CTNNA3: variants seen among roughly 807,000 people sequenced by gnomAD.
The protein encoded by CTNNA3 is catenin alpha-3.
A neutral mutation model predicts 95.7 loss-of-function variants in CTNNA3; 76 were observed. That is an observed-to-expected ratio of 0.79 (90% confidence interval 0.66 to 0.96). The LOEUF (loss-of-function observed/expected upper bound fraction) is 0.96. Among genes scored for constraint, CTNNA3 ranks in the 40% least tolerant of loss-of-function variants. The probability of loss-of-function intolerance (pLI) is 0.00; values close to 1 mark genes in which losing one functional copy is unlikely to be tolerated. For synonymous variants in CTNNA3, 431 were observed against 374.4 expected (o/e 1.15, Z -1.74); for missense variants, 1,191 against 1,089.8 (o/e 1.09, Z -1.31).
At chr10:67,736,146 T>C (rs1371088913) in intron 1 of CTNNA3, among the ~76,000 whole-genome samples, 2 of 152,218 alleles carry the variant, frequency 1.3e-5, no homozygotes, top group East Asian at 3.8e-4. Flanking sequence ...TGCTATAACA[T>C]GGACAAACCT....
At chr10:66,997,973 A>G (rs1210598920) in intron 7 of CTNNA3, among the ~76,000 whole-genome samples, 1 of 152,122 alleles carries the variant, frequency 6.6e-6, no homozygotes, top group Non-Finnish European at 1.5e-5. Context: ...TTCATCATTC[A>G]TCACTTGGAT....
At chr10:67,259,931 A>G (rs950402912) in intron 5 of CTNNA3, among the ~76,000 whole-genome samples, 2 of 152,182 alleles carry the variant, frequency 1.3e-5, no homozygotes, top group African/African-American at 2.4e-5. Context: ...ATGTAGTTTC[A>G]TCATCAAAAT....
intron 10 of CTNNA3, among the ~76,000 whole-genome samples, chr10:66,569,879 G>C (rs760945026): frequency 3.3e-5 from 5 of 152,114 alleles, no homozygotes; most frequent in African/African-American, 1.2e-4. Flanking sequence ...TGATTCAAAA[G>C]GCAGAGCCAT....
Position 66,401,329 on chromosome 10 carries a change from C to T in CTNNA3, c.1532-21977G>A, listed in dbSNP as rs76136728. Among the ~76,000 whole-genome samples the T allele has an allele frequency of 2.7e-3, 418 of 152,050 alleles. 3 individuals are homozygous for T. Among genetic ancestry groups the T allele is most frequent in the African/African-American group, 9.3e-3 (386 of 41,476 alleles). On this transcript the variant is annotated intron_variant, in intron 11 of 17. Transcript: ENST00000433211. ...TTGTTTGAGGTCAGGAGTTTAAGAC[C>T]GGCCTGGCCAACGTGGAAAAACCTT...
chr10:67,432,970 A>T (rs1258246401), intron 5 of CTNNA3, among the ~76,000 whole-genome samples: 1 of 151,904 alleles, frequency 6.6e-6, no homozygotes, highest in African/African-American at 2.4e-5. Flanking sequence ...TTATTTTTTA[A>T]ATATTTGATA....
At chr10:66,998,696 G>C (rs1015496763) in intron 7 of CTNNA3, among the ~76,000 whole-genome samples, 1 of 152,080 alleles carries the variant, frequency 6.6e-6, no homozygotes, top group Non-Finnish European at 1.5e-5. Context: ...AAATAACATT[G>C]TCCAGAATAT....
At position 66,714,555 on chromosome 10, in the gene CTNNA3, C is replaced by A. The variant is rs376111557; in HGVS notation, c.1281+51709G>T. 2.4e-4 allele frequency among the ~76,000 whole-genome samples: 36 copies of A among 152,142 alleles called. No homozygotes were observed. In the East Asian group the frequency reaches 2.7e-3, roughly 11 times the overall value. On this transcript the variant is annotated intron_variant, in intron 9 of 17. Transcript: ENST00000433211. ...TTGCAGTAATCCCCTATCTTGTCTA[C>A]TTTCTGTAGATTCATCTTTCTAAAC...
In CTNNA3 at chr10:67,740,725, T is replaced by C. The variant is rs1436103618; in HGVS notation, c.-2+22709A>G. On this transcript the variant is annotated intron_variant, in intron 1 of 17. Coordinates refer to the CTNNA3 transcript ENST00000684154. ...CACTGTTGGTGGGACTGTAAACTAGTTCAACCATTGTGGAAGACAGTGTGG... is the reference window on the plus strand; with the variant it reads ...CACTGTTGGTGGGACTGTAAACTAGCTCAACCATTGTGGAAGACAGTGTGG... Among the ~76,000 whole-genome samples, 5 of 151,338 alleles carry C rather than the reference T, an allele frequency of 3.3e-5. 1 individual carries two copies. Among genetic ancestry groups the C allele is most frequent in the Non-Finnish European group, 7.4e-5 (5 of 67,716 alleles).
intron 7 of CTNNA3, among the ~76,000 whole-genome samples, chr10:66,862,200 C>T (rs549099508): frequency 3.3e-5 from 5 of 152,038 alleles, no homozygotes; most frequent in Admixed American, 6.6e-5. Flanking sequence ...GGCAACAGAG[C>T]GAGACACTGT....
At chr10:66,728,429 G>A (rs1299952847) in intron 9 of CTNNA3, among the ~76,000 whole-genome samples, 1 of 152,016 alleles carries the variant, frequency 6.6e-6, no homozygotes, top group Non-Finnish European at 1.5e-5. Flanking sequence ...AAGCTCTTCG[G>A]TTTACTTAGA....
chr10:65,960,018 G>A (rs1406479330), intron 17 of CTNNA3, among the ~76,000 whole-genome samples: 1 of 152,132 alleles, frequency 6.6e-6, no homozygotes, highest in Non-Finnish European at 1.5e-5. Context: ...TCTAAGCAGT[G>A]TTGAGAAAAG....
intron 12 of CTNNA3, among the ~76,000 whole-genome samples, chr10:66,353,418 GCTCA>G (rs1378472802): frequency 6.6e-6 from 1 of 152,090 alleles, no homozygotes; most frequent in Non-Finnish European, 1.5e-5. Flanking sequence ...TGGATGCGCA[GCTCA>G]CTGTGTTGAG....
rs140313786 is a variant in CTNNA3, at chr10:66,845,754, T to TACACACACACACACAC, written c.1048-70246_1048-70231dup. On this transcript the variant is annotated intron_variant, in intron 7 of 17. Transcript: ENST00000433211. ...ACTAAAAAGGTGAGATATATATACA[T>TACACACACACACACAC]ACACACACACACACACACACACACA... 8.0e-3 allele frequency among the ~76,000 whole-genome samples: 868 copies of TACACACACACACACAC among 108,432 alleles called. 8 individuals carry two copies. The highest frequency in any genetic ancestry group is 0.018 in the African/African-American group (513 of 29,210). The allele number at this position is 108,432 out of a possible 152,430, so 71.1% of individuals were successfully genotyped here.
intron 11 of CTNNA3, among the ~76,000 whole-genome samples, chr10:66,488,429 T>C (rs1447600993): frequency 6.6e-6 from 1 of 152,134 alleles, no homozygotes; most frequent in Admixed American, 6.5e-5. Context: ...ATTATACTAA[T>C]TAACAGGCCA....
upstream of CTNNA3, among the ~76,000 whole-genome samples, chr10:67,698,318 G>C (rs1423296540): frequency 6.6e-6 from 1 of 151,582 alleles, no homozygotes; most frequent in Non-Finnish European, 1.5e-5. Context: ...TCAAAAGTAA[G>C]TTTTTTCGTT....
At chr10:66,337,110 TA>T (rs2132341643) in intron 12 of CTNNA3, among the ~76,000 whole-genome samples, 1 of 152,304 alleles carries the variant, frequency 6.6e-6, no homozygotes, top group African/African-American at 2.4e-5. Context: ...TTATTTTTCA[TA>T]AAAATATTGT....
At chr10:67,374,888 T>G (rs1843631614) in intron 5 of CTNNA3, among the ~76,000 whole-genome samples, 1 of 152,184 alleles carries the variant, frequency 6.6e-6, no homozygotes, top group Non-Finnish European at 1.5e-5. Flanking sequence ...AATATACAAC[T>G]TATTTAGTTT....
intron 11 of CTNNA3, among the ~76,000 whole-genome samples, chr10:66,384,461 A>G (rs2092871483): frequency 6.6e-6 from 1 of 152,168 alleles, no homozygotes; most frequent in South Asian, 2.1e-4. Context: ...GAGACATACA[A>G]AAAGACTTAG....
upstream of CTNNA3, among the ~76,000 whole-genome samples, chr10:67,699,834 G>C (rs12255233): frequency 0.12 from 18,564 of 152,300 alleles, 1,278 homozygotes; most frequent in Non-Finnish European, 0.16. Flanking sequence ...GCCTCACTCG[G>C]AAAGAACAAC....
Sources: allele counts gnomAD v4.1 joint callset (sites outside exome capture counted in the v4.1 genomes callset), GRCh38; gene constraint gnomAD v4.1.1; transcripts MANE v1.5; gene names NCBI Gene and HGNC (gene_info 2026-07-23, HGNC 2026-07-21).